AK4: variants seen among roughly 807,000 people sequenced by gnomAD.
AK4 encodes adenylate kinase 4, mitochondrial.
In AK4, 13 loss-of-function variants were observed where a neutral mutation model predicts 24.6. The ratio of observed to expected loss-of-function variants is 0.53; its 90% CI spans 0.34 to 0.84. The LOEUF is 0.84. Ranked by LOEUF, AK4 falls within the 40% of genes least tolerant of loss-of-function variation. The pLI, the probability that AK4 is intolerant of heterozygous loss-of-function variation, is 0.01. For missense variants in AK4, 192 were observed against 288.2 expected, an observed-to-expected ratio of 0.67 and a Z score of 2.42; for synonymous variants, 88 against 107.0, an observed-to-expected ratio of 0.82 and a Z score of 1.10.
rs2101100844 is a variant in AK4 at position 65,227,446 on chromosome 1, C to T, written c.*1269C>T. On this transcript the variant is annotated 3_prime_UTR_variant, in exon 5 of 5. Transcript: ENST00000327299. ...TGGCCATAAAGTCTAGAATTAGATA[C>T]TAATATTTTGTCATTCATTATAACA... 1 of 152,438 alleles carries T rather than the reference C, an allele frequency of 6.6e-6. No individual in the cohort carries two copies. The highest frequency in any genetic ancestry group is 2.4e-5 in the African/African-American group (1 of 41,462). 9.4% of individuals were successfully genotyped at this position (152,438 alleles called of 1,614,324 possible). A position where few individuals can be genotyped will look rare whatever the true frequency, so the allele number is the denominator to read the frequency against.
intron 1 of AK4, among the ~76,000 whole-genome samples, chr1:65,170,283 G>A (rs1650468128): frequency 6.6e-6 from 1 of 152,136 alleles, no homozygotes; most frequent in Non-Finnish European, 1.5e-5. Flanking sequence ...CAGGAGAATG[G>A]CGTGAACCCG....
intron 2 of AK4, among the ~76,000 whole-genome samples, chr1:65,217,692 G>A (rs540086682): frequency 1.3e-5 from 2 of 152,188 alleles, no homozygotes; most frequent in African/African-American, 4.8e-5. Flanking sequence ...TAACTCCTGA[G>A]GTCACCCAGA....
At chr1:65,154,346 A>C (rs1339386388) in intron 1 of AK4, 1 of 339,996 alleles carries the variant, frequency 2.9e-6, no homozygotes, top group Non-Finnish European at 6.0e-6. Context: ...GGTTGAATGA[A>C]CTAGAATGTG....
intron 1 of AK4, among the ~76,000 whole-genome samples, chr1:65,186,192 G>GCC (rs1221092321): frequency 3.3e-5 from 5 of 152,186 alleles, no homozygotes; most frequent in African/African-American, 1.2e-4. Context: ...CTGTAGTGCA[G>GCC]TGGTGCAATC....
intron 2 of AK4, among the ~76,000 whole-genome samples, chr1:65,217,032 T>C (rs549170508): frequency 6.6e-6 from 1 of 152,364 alleles, no homozygotes; most frequent in South Asian, 2.1e-4. Context: ...AATTGCCATC[T>C]TGACATTGTA....
At chr1:65,192,402 C>T (rs992313207) in intron 2 of AK4, among the ~76,000 whole-genome samples, 1 of 152,150 alleles carries the variant, frequency 6.6e-6, no homozygotes, top group South Asian at 2.1e-4. Context: ...AGGGCAGAGC[C>T]TTTGTGACCT....
At position 65,148,624 on chromosome 1, in the gene AK4, G is replaced by A. The variant is rs929904252; in HGVS notation, c.145+72G>A. ...GGGGTGAGGCCCTGGAGGGACTGGG[G>A]CTCCCGGATCACGGCGCCCTTCCCC... On this transcript the variant is annotated intron_variant, in intron 1 of 4. Coordinates refer to ENST00000327299, the MANE Select transcript of AK4 (RefSeq NM_013410.4). The A allele has an allele frequency of 9.0e-6, 13 of 1,450,848 alleles. No individual in the cohort carries two copies. In the African/African-American group the frequency reaches 1.6e-4, roughly 18 times the overall value. The allele number at this position is 1,450,848 out of a possible 1,614,324, so 89.9% of individuals were successfully genotyped here.
At chr1:65,154,282 A>G (rs754341019) in intron 1 of AK4, among the ~76,000 whole-genome samples, 9 of 152,194 alleles carry the variant, frequency 5.9e-5, no homozygotes, top group Non-Finnish European at 1.3e-4. Flanking sequence ...AAAGAAGTCT[A>G]CAATGAATCC....
At chr1:65,209,378 T>A (rs1037675578) in intron 2 of AK4, among the ~76,000 whole-genome samples, 2 of 152,242 alleles carry the variant, frequency 1.3e-5, no homozygotes, top group African/African-American at 4.8e-5. Flanking sequence ...AGAAAGCCTT[T>A]CTTGGAGTGT....
At chr1:65,147,945 A>AC (rs1456169769), upstream of AK4, 2 of 156,588 alleles carry the variant, frequency 1.3e-5, no homozygotes, top group East Asian at 1.9e-4. Context: ...GCTTTGAGTC[A>AC]CCCCCGCTTG....
chr1:65,190,218 A>ATCTT (rs976461974), intron 1 of AK4, among the ~76,000 whole-genome samples: 23 of 148,584 alleles, frequency 1.5e-4, no homozygotes, highest in African/African-American at 4.4e-4. Context: ...TGACCAATTT[A>ATCTT]TCTTTCTTTC....
chr1:65,195,584 G>T (rs780725496), intron 2 of AK4, among the ~76,000 whole-genome samples: 2 of 152,296 alleles, frequency 1.3e-5, no homozygotes, highest in East Asian at 1.9e-4. Context: ...ATGGACCCGG[G>T]TGCTGCCAGA....
intron 1 of AK4, among the ~76,000 whole-genome samples, chr1:65,154,945 G>C (rs1485796773): frequency 1.3e-5 from 2 of 151,492 alleles, no homozygotes; most frequent in East Asian, 3.9e-4. Flanking sequence ...CTGCCTCCCA[G>C]GTTCAAGCAA....
At chr1:65,220,855 A>G (rs574537023) in intron 3 of AK4, among the ~76,000 whole-genome samples, 135 of 152,184 alleles carry the variant, frequency 8.9e-4, no homozygotes, top group African/African-American at 3.1e-3. Context: ...CTCTTTATGT[A>G]TATCTGTTTG....
At chr1:65,172,170 T>C (rs1272775444) in intron 1 of AK4, among the ~76,000 whole-genome samples, 1 of 147,860 alleles carries the variant, frequency 6.8e-6, no homozygotes, top group African/African-American at 2.5e-5. Flanking sequence ...AGCTTTACGT[T>C]TTTTAAAACG....
chr1:65,189,932 G>T (rs1651237769), intron 1 of AK4, among the ~76,000 whole-genome samples: 1 of 152,162 alleles, frequency 6.6e-6, no homozygotes, highest in Non-Finnish European at 1.5e-5. Flanking sequence ...TTGATGAAAA[G>T]AAGTAAAGCT....
rs182929371 is a variant in AK4 at position 65,159,139 on chromosome 1, T to A, written c.145+10587T>A. On this transcript the variant is annotated intron_variant, in intron 1 of 4. Transcript: ENST00000327299. The stretch of plus-strand genomic sequence containing the variant: ...TTCCAAGAAGCTAGAAATCAACTAT[T>A]TTCTGATCTTCAGCACCTTCTGTCT... Among the ~76,000 whole-genome samples the A allele has an allele frequency of 2.0e-3, 306 of 152,344 alleles. 1 individual carries two copies. The highest frequency in any genetic ancestry group is 0.016 in the Admixed American group (244 of 15,296).
At chr1:65,173,390 G>A (rs1570088116) in intron 1 of AK4, among the ~76,000 whole-genome samples, 1 of 152,166 alleles carries the variant, frequency 6.6e-6, no homozygotes, top group East Asian at 1.9e-4. Context: ...AAAGACTTGG[G>A]CCCTCATCCT....
At chr1:65,161,059 G>A (rs2100992724) in intron 1 of AK4, among the ~76,000 whole-genome samples, 1 of 152,116 alleles carries the variant, frequency 6.6e-6, no homozygotes, top group South Asian at 2.1e-4. Context: ...TAGGATAGAG[G>A]GATGTACTTT....
Sources: allele counts gnomAD v4.1 joint callset (sites outside exome capture counted in the v4.1 genomes callset), GRCh38; gene constraint gnomAD v4.1.1; transcripts MANE v1.5; gene names NCBI Gene and HGNC (gene_info 2026-07-23, HGNC 2026-07-21).